Variants in KASH5 observed in about 807,000 individuals in gnomAD.
KASH5 encodes the protein protein KASH5.
A neutral mutation model predicts 84.2 loss-of-function variants in KASH5; 72 were observed. The ratio of observed to expected loss-of-function variants is 0.85; its 90% CI spans 0.71 to 1.04. The LOEUF (loss-of-function observed/expected upper bound fraction) is 1.04, where lower values mean the gene tolerates loss of function less well. Ranked by LOEUF, KASH5 falls within the 50% of genes least tolerant of loss-of-function variation. The pLI, the probability that KASH5 is intolerant of heterozygous loss-of-function variation, is 0.00. For missense variants in KASH5, 650 were observed against 701.0 expected (o/e 0.93, Z 0.82); for synonymous variants, 260 against 279.1 (o/e 0.93, Z 0.68).
At chr19:49,407,741 G>C in intron 12 of KASH5, 70 bp downstream of exon 12, 3 of 1,476,720 alleles carry the variant, frequency 2.0e-6, no homozygotes, top group Non-Finnish European at 2.8e-6. Context: ...GGGACTTGCT[G>C]CCTCTCCTCC....
intron 2 of KASH5, among the ~76,000 whole-genome samples, chr19:49,393,983 A>G (rs1974089203): frequency 2.0e-5 from 3 of 152,140 alleles, no homozygotes; most frequent in Admixed American, 2.0e-4. Flanking sequence ...TTAGGGATGC[A>G]GGGAGGAGAG....
intron 2 of KASH5, 70 bp downstream of exon 2, chr19:49,390,996 T>C: frequency 6.4e-7 from 1 of 1,550,480 alleles, no homozygotes; most frequent in Non-Finnish European, 8.8e-7. Context: ...GGTGCCAGGC[T>C]GTGACTCGGG....
At chr19:49,397,163 G>C (rs1974208383) in intron 5 of KASH5, among the ~76,000 whole-genome samples, 1 of 152,176 alleles carries the variant, frequency 6.6e-6, no homozygotes, top group Admixed American at 6.5e-5. Flanking sequence ...TGGGGGCCCA[G>C]GGAGGGCTGC....
intron 17 of KASH5, 35 bp downstream of exon 17, chr19:49,415,031 T>G: frequency 1.3e-6 from 2 of 1,587,496 alleles, no homozygotes; most frequent in African/African-American, 1.3e-5. Context: ...CCAGTCCCCA[T>G]CCACTCCACA....
intron 5 of KASH5, among the ~76,000 whole-genome samples, chr19:49,397,250 G>T (rs775186712): frequency 6.6e-6 from 1 of 152,002 alleles, no homozygotes; most frequent in Non-Finnish European, 1.5e-5. Flanking sequence ...AGCAAGGGCC[G>T]GGGCATGGAG....
chr19:49,399,671 C>A lies in KASH5; in HGVS notation c.798+164C>A. 2 of 1,482,110 alleles carry A rather than the reference C, an allele frequency of 1.3e-6. No homozygotes were observed. Among genetic ancestry groups the A allele is most frequent in the East Asian group, 2.5e-5 (1 of 40,154 alleles). 91.8% of individuals were successfully genotyped at this position (1,482,110 alleles called of 1,614,324 possible). A position where few individuals can be genotyped will look rare whatever the true frequency, so the allele number is the denominator to read the frequency against. On this transcript the variant is annotated intron_variant, in intron 9 of 19. Transcript: ENST00000447857. The surrounding 1 kb of genome is among the most constrained non-coding windows in gnomAD (Gnocchi z 4.4). ...AGGTTATATCACACTGTGAGAACAG[C>A]CGTGGTTTACAAGAGTGTGAGGCAT...
Position 49,414,329 on chromosome 19 carries a change from C to T in KASH5, c.1329-622C>T, listed in dbSNP as rs920519277. On this transcript the variant is annotated intron_variant, in intron 16 of 19. Coordinates refer to ENST00000447857, the MANE Select transcript of KASH5 (RefSeq NM_144688.5). This position sits in a 1 kb window ranked among gnomAD's most constrained non-coding sequence, Gnocchi z 4.5. ...AGAGGGTCTTGCACCTAAGAGGATTCGGCATGGGGAAGAGCTCCAACAGTT... is the reference window on the plus strand; with the variant it reads ...AGAGGGTCTTGCACCTAAGAGGATTTGGCATGGGGAAGAGCTCCAACAGTT... Among the ~76,000 whole-genome samples, 1 of 152,050 alleles carries T rather than the reference C, an allele frequency of 6.6e-6. No homozygotes were observed. Among genetic ancestry groups the T allele is most frequent in the Non-Finnish European group, 1.5e-5 (1 of 67,992 alleles).
rs1974152401 is a variant in KASH5 at position 49,395,707 on chromosome 19, G to A, written c.336-62G>A. 6 of 1,505,746 alleles carry A rather than the reference G, an allele frequency of 4.0e-6. No individual in the cohort carries two copies. Among genetic ancestry groups the A allele is most frequent in the African/African-American group, 1.4e-5 (1 of 72,106 alleles). The allele number at this position is 1,505,746 out of a possible 1,614,324, so 93.3% of individuals were successfully genotyped here. A position where few individuals can be genotyped will look rare whatever the true frequency, so the allele number is the denominator to read the frequency against. ...CCTCCCACCTGCAATCCCCCTGCCT[G>A]TGGCTGGTGAGGACTGAGGGGCAGC... is the stretch of plus-strand genomic sequence containing the variant. On this transcript the variant is annotated intron_variant, in intron 4 of 19. Coordinates refer to ENST00000447857, the MANE Select transcript of KASH5 (RefSeq NM_144688.5). The surrounding 1 kb of genome is among the most constrained non-coding windows in gnomAD (Gnocchi z 4.4).
rs1180608070 is a variant in KASH5, at chr19:49,399,263, C to T, written c.747+121C>T. The T allele has an allele frequency of 4.1e-6, 4 of 970,310 alleles. No individual in the cohort carries two copies. Among genetic ancestry groups the T allele is most frequent in the Non-Finnish European group, 6.1e-6 (4 of 651,580 alleles). The allele number at this position is 970,310 out of a possible 1,614,324, so 60.1% of individuals were successfully genotyped here. A position where few individuals can be genotyped will look rare whatever the true frequency, so the allele number is the denominator to read the frequency against. On this transcript the variant is annotated intron_variant, in intron 8 of 19. Coordinates refer to ENST00000447857, the MANE Select transcript of KASH5 (RefSeq NM_144688.5). The surrounding 1 kb of genome is among the most constrained non-coding windows in gnomAD (Gnocchi z 4.4). ...GGTCACCTGGCTTTCTCCCTCTCTCCAGGCCCTGCTCACCCTAGACTTTTT... is the reference window on the plus strand; with the variant it reads ...GGTCACCTGGCTTTCTCCCTCTCTCTAGGCCCTGCTCACCCTAGACTTTTT...
chr19:49,409,871 G>T lies in KASH5; in HGVS notation c.1265G>T (p.Gly422Val). 4.3e-6 allele frequency: 7 copies of T among 1,613,554 alleles called. No individual in the cohort carries two copies. Among genetic ancestry groups the T allele is most frequent in the South Asian group, 1.1e-5 (1 of 91,048 alleles). ...TTTCCATCTGAAGCCCCAGCTGGGG[G>T]ACAGGTGAGCACAGGAAAAGCTCTG... ...TEFPSEAPAG[G>V]QRNFQGEPAH... The change falls in exon 15 of 20, where the codon GGA (glycine) becomes GTA (valine). Residue 422 changes from glycine to valine, a missense_variant. By Grantham distance (109) the Gly-to-Val change is moderately radical. Transcript: ENST00000447857.
At chr19:49,394,880 C>T in intron 3 of KASH5, 1 of 590,658 alleles carries the variant, frequency 1.7e-6, no homozygotes, top group Non-Finnish European at 3.0e-6. Flanking sequence ...GTCCCTATGT[C>T]CATCCCCTTT....
intron 16 of KASH5, among the ~76,000 whole-genome samples, chr19:49,413,741 G>T (rs567324734): frequency 3.9e-5 from 6 of 152,068 alleles, no homozygotes; most frequent in Admixed American, 3.9e-4. Context: ...AGTTTGATCC[G>T]CAGGTTGGAA....
At chr19:49,388,791 G>A (rs1358000846) in intron 1 of KASH5, among the ~76,000 whole-genome samples, 3 of 151,426 alleles carry the variant, frequency 2.0e-5, no homozygotes, top group African/African-American at 7.3e-5. Flanking sequence ...TGTCAGAATC[G>A]TCTAGAAATT....
chr19:49,388,387 CTAGCGAAGCCCCCCCATATTGTGGGAGA>C, intron 1 of KASH5, 60 bp downstream of exon 1: 1 of 152,364 alleles, frequency 6.6e-6, no homozygotes, highest in Middle Eastern at 3.4e-3. Flanking sequence ...TACCGAAATC[CTAGCGAAGCCCCCCCATATTGTGGGAGA>C]GATACCCCTG....
Position 49,402,241 on chromosome 19 carries a change from C to CA in KASH5, c.798+2744dup, listed in dbSNP as rs1050513362. 1.4e-4 allele frequency among the ~76,000 whole-genome samples: 19 copies of CA among 136,046 alleles called. No homozygotes were observed. In the East Asian group the frequency reaches 1.8e-3, roughly 13 times the overall value. 89.3% of individuals were successfully genotyped at this position (136,046 alleles called of 152,430 possible). On this transcript the variant is annotated intron_variant, in intron 9 of 19. Transcript: ENST00000447857. The stretch of plus-strand genomic sequence containing the variant: ...TGGGCGACAGAGCAAGACTCAGTCT[C>CA]AAAAAAAAAAGGAAAAGAAAAACTT...
chr19:49,411,961 AAGGAAGGAAG>A (rs1430248192), intron 15 of KASH5, among the ~76,000 whole-genome samples: 6 of 147,282 alleles, frequency 4.1e-5, no homozygotes, highest in Non-Finnish European at 8.9e-5. Flanking sequence ...GGAAGGAAGG[AAGGAAGGAAG>A]GAAAGAAGGA....
rs1297511564 is a variant in KASH5, at chr19:49,416,688, C to T, written c.1375-327C>T. Among the ~76,000 whole-genome samples, 1 of 152,180 alleles carries T rather than the reference C, an allele frequency of 6.6e-6. No homozygotes were observed. The highest frequency in any genetic ancestry group is 1.5e-5 in the Non-Finnish European group (1 of 68,040). Reference sequence around the variant, plus strand: ...GAATAGCTCACACAGACATTGAGCACTCACTATGTACCAGGCGCTGTCCAA... The same window carrying T: ...GAATAGCTCACACAGACATTGAGCATTCACTATGTACCAGGCGCTGTCCAA... On this transcript the variant is annotated intron_variant, in intron 17 of 19. Transcript: ENST00000447857. The surrounding 1 kb of genome is among the most constrained non-coding windows in gnomAD (Gnocchi z 5.4).
At chr19:49,403,069 G>A (rs1974412810) in intron 9 of KASH5, among the ~76,000 whole-genome samples, 1 of 151,972 alleles carries the variant, frequency 6.6e-6, no homozygotes, top group Non-Finnish European at 1.5e-5. Context: ...GCAAAGGGGA[G>A]CCATGAGGCT....
At chr19:49,396,740 A>G (rs1218775425) in intron 5 of KASH5, among the ~76,000 whole-genome samples, 1 of 151,738 alleles carries the variant, frequency 6.6e-6, no homozygotes, top group Non-Finnish European at 1.5e-5. Flanking sequence ...TTGTATCCCC[A>G]GGACCTCACA....
Sources: allele counts gnomAD v4.1 joint callset (sites outside exome capture counted in the v4.1 genomes callset), GRCh38; gene constraint gnomAD v4.1.1; non-coding constraint Gnocchi (gnomAD v3.1); transcripts MANE v1.5; gene names NCBI Gene and HGNC (gene_info 2026-07-23, HGNC 2026-07-21).